KIAA1217: variants seen among roughly 807,000 people sequenced by gnomAD.
The protein encoded by KIAA1217 is sickle tail protein homolog.
KIAA1217 carries 88 observed loss-of-function variants against 163.9 expected under a neutral mutation model. The observed-to-expected ratio is 0.54, with a 90% CI of 0.45 to 0.64. The LOEUF is 0.64. Ranked by LOEUF, KIAA1217 falls within the 30% of genes least tolerant of loss-of-function variation. The probability of loss-of-function intolerance (pLI) is 0.00; values close to 1 mark genes in which losing one functional copy is unlikely to be tolerated. For missense variants in KIAA1217, 2,372 were observed against 2,475.0 expected (o/e 0.96, Z 0.88); for synonymous variants, 903 against 923.1 (o/e 0.98, Z 0.39).
intron 1 of KIAA1217, among the ~76,000 whole-genome samples, chr10:23,945,058 CAAAA>C (rs527334106): frequency 3.8e-5 from 4 of 103,974 alleles, no homozygotes; most frequent in Non-Finnish European, 4.3e-5. Context: ...GACTCTATCT[CAAAA>C]AAAAAAAAAA....
intron 2 of KIAA1217, among the ~76,000 whole-genome samples, chr10:24,346,408 C>T (rs1479412906): frequency 6.6e-6 from 1 of 150,840 alleles, no homozygotes; most frequent in East Asian, 2.0e-4. Flanking sequence ...GGAGGCGGAG[C>T]TTGCAGTGAG....
chr10:23,776,415 T>C (rs11013706), intron 1 of KIAA1217, among the ~76,000 whole-genome samples: 4 of 151,432 alleles, frequency 2.6e-5, no homozygotes, highest in Non-Finnish European at 5.9e-5. Context: ...AATTCATTAT[T>C]GCTTTATTCA....
chr10:23,874,159 T>G (rs1296798609), intron 1 of KIAA1217, among the ~76,000 whole-genome samples: 1 of 152,052 alleles, frequency 6.6e-6, no homozygotes, highest in Non-Finnish European at 1.5e-5. Flanking sequence ...CCCCTCATGG[T>G]TAGCTATCAC....
At chr10:24,522,148 G>T (rs1477272730) in intron 12 of KIAA1217, among the ~76,000 whole-genome samples, 1 of 152,044 alleles carries the variant, frequency 6.6e-6, no homozygotes, top group Non-Finnish European at 1.5e-5. Flanking sequence ...CCATCCTAGG[G>T]TTTAAAATTA....
At chr10:23,728,061 G>T (rs186818448) in intron 1 of KIAA1217, among the ~76,000 whole-genome samples, 14 of 152,256 alleles carry the variant, frequency 9.2e-5, no homozygotes, top group Admixed American at 9.2e-4. Context: ...TGGGCATTTG[G>T]GTTGGTTCCA....
At chr10:23,932,976 A>G (rs1332948175) in intron 1 of KIAA1217, among the ~76,000 whole-genome samples, 1 of 152,242 alleles carries the variant, frequency 6.6e-6, no homozygotes, top group Non-Finnish European at 1.5e-5. Context: ...ATTGAATACC[A>G]TAAGAACCTG....
chr10:24,291,707 C>T (rs979040378), intron 2 of KIAA1217, among the ~76,000 whole-genome samples: 2 of 152,092 alleles, frequency 1.3e-5, no homozygotes, highest in Admixed American at 1.3e-4. Context: ...TTTTATACCA[C>T]CATAGAGTTG....
intron 6 of KIAA1217, among the ~76,000 whole-genome samples, chr10:24,477,510 C>G (rs1177496108): frequency 1.3e-5 from 2 of 152,326 alleles, no homozygotes; most frequent in East Asian, 3.9e-4. Flanking sequence ...CACCTCCACA[C>G]AACAGAGAAG....
At chr10:24,142,454 T>C (rs1217596316) in intron 2 of KIAA1217, among the ~76,000 whole-genome samples, 1 of 152,120 alleles carries the variant, frequency 6.6e-6, no homozygotes, top group Non-Finnish European at 1.5e-5. Context: ...TCTAGAAAGA[T>C]GAGAAGAGAA....
At chr10:24,369,315 C>T (rs535048331) in intron 2 of KIAA1217, among the ~76,000 whole-genome samples, 14 of 151,780 alleles carry the variant, frequency 9.2e-5, no homozygotes, top group South Asian at 4.2e-4. Flanking sequence ...TAACAGTGAA[C>T]GCTATTCCCA....
intron 2 of KIAA1217, among the ~76,000 whole-genome samples, chr10:24,031,599 C>T (rs759628416): frequency 4.6e-5 from 7 of 152,116 alleles, no homozygotes; most frequent in East Asian, 3.8e-4. Flanking sequence ...TATGCCCAGC[C>T]GCTGAGCATC....
intron 3 of KIAA1217, among the ~76,000 whole-genome samples, chr10:24,384,747 A>G (rs2130602690): frequency 6.6e-6 from 1 of 152,354 alleles, no homozygotes; most frequent in East Asian, 1.9e-4. Flanking sequence ...CATGTTAGCC[A>G]GGATGGTCTC....
intron 17 of KIAA1217, 49 bp from the exon 18 acceptor site, chr10:24,542,644 T>G (rs1460297354): frequency 9.4e-6 from 15 of 1,597,322 alleles, no homozygotes; most frequent in East Asian, 2.2e-5. Context: ...TCCACTTTTT[T>G]GGGGGGATGT....
chr10:24,299,260 C>T (rs188853347), intron 2 of KIAA1217, among the ~76,000 whole-genome samples: 14 of 152,260 alleles, frequency 9.2e-5, no homozygotes, highest in Non-Finnish European at 1.3e-4. Context: ...GCCTAACAAC[C>T]AACTTAGGTT....
intron 1 of KIAA1217, among the ~76,000 whole-genome samples, chr10:23,833,500 A>G (rs1402587683): frequency 6.6e-6 from 1 of 151,810 alleles, no homozygotes; most frequent in African/African-American, 2.4e-5. Flanking sequence ...AAAAAAACTA[A>G]GTAAACCATT....
At chr10:24,490,835 C>T (rs2066014466) in intron 6 of KIAA1217, among the ~76,000 whole-genome samples, 1 of 152,190 alleles carries the variant, frequency 6.6e-6, no homozygotes, top group Admixed American at 6.5e-5. Flanking sequence ...CAGCGTGTCT[C>T]TTTCCTGGTG....
At chr10:24,335,714 A>G (rs903554496) in intron 2 of KIAA1217, among the ~76,000 whole-genome samples, 2 of 150,996 alleles carry the variant, frequency 1.3e-5, no homozygotes, top group Non-Finnish European at 1.5e-5. Flanking sequence ...GGCTCAAGCA[A>G]TCCTCCTGCT....
intron 1 of KIAA1217, among the ~76,000 whole-genome samples, chr10:23,806,860 C>A (rs1335394047): frequency 1.3e-5 from 2 of 152,192 alleles, no homozygotes; most frequent in African/African-American, 4.8e-5. Context: ...TTCTTTGGTT[C>A]CTAAGGTGCT....
intron 3 of KIAA1217, among the ~76,000 whole-genome samples, chr10:24,432,397 C>T (rs902024376): frequency 1.3e-5 from 2 of 152,026 alleles, no homozygotes; most frequent in South Asian, 2.1e-4. Context: ...GGATTACAGG[C>T]GTGAGTTACC....
Sources: allele counts gnomAD v4.1 joint callset (sites outside exome capture counted in the v4.1 genomes callset), GRCh38; gene constraint gnomAD v4.1.1; transcripts MANE v1.5; gene names NCBI Gene and HGNC (gene_info 2026-07-23, HGNC 2026-07-21).